FHIT: variants seen among roughly 807,000 people sequenced by gnomAD.
FHIT encodes bis(5'-adenosyl)-triphosphatase.
A neutral mutation model predicts 17.9 loss-of-function variants in FHIT; 19 were observed. The observed-to-expected ratio is 1.06, with a 90% CI of 0.74 to 1.56. FHIT has a LOEUF of 1.56. Among genes scored for constraint, FHIT ranks in the 40% most tolerant of loss-of-function variants. FHIT has a pLI of 0.00. For synonymous variants in FHIT, 81 were observed against 69.7 expected (o/e 1.16, Z -0.81); for missense variants, 248 against 189.2 (o/e 1.31, Z -1.82).
intron 3 of FHIT, among the ~76,000 whole-genome samples, chr3:60,980,596 C>G (rs1304783355): frequency 6.6e-6 from 1 of 152,182 alleles, no homozygotes; most frequent in East Asian, 1.9e-4. Flanking sequence ...GTATGCCCAG[C>G]AGGTCTCAGA....
chr3:60,610,176 G>A (rs1048952981), intron 4 of FHIT, among the ~76,000 whole-genome samples: 3 of 152,104 alleles, frequency 2.0e-5, no homozygotes, highest in Non-Finnish European at 4.4e-5. Context: ...CCATTGCTGT[G>A]CACTTGCATA....
intron 5 of FHIT, among the ~76,000 whole-genome samples, chr3:60,098,878 C>T (rs1182092481): frequency 6.6e-6 from 1 of 152,190 alleles, no homozygotes; most frequent in African/African-American, 2.4e-5. Flanking sequence ...AGACTTTTGA[C>T]TGCCTGGGAG....
At chr3:60,054,925 A>G (rs1435753416) in intron 5 of FHIT, among the ~76,000 whole-genome samples, 1 of 152,182 alleles carries the variant, frequency 6.6e-6, no homozygotes, top group African/African-American at 2.4e-5. Context: ...ACATTAAGAA[A>G]TTAATGAAGT....
chr3:60,604,221 G>C (rs1298616112), intron 4 of FHIT, among the ~76,000 whole-genome samples: 2 of 152,122 alleles, frequency 1.3e-5, no homozygotes, highest in Non-Finnish European at 2.9e-5. Flanking sequence ...AACATAAAGA[G>C]AAAAAACTGG....
At chr3:59,751,628 G>C (rs1700908811) in intron 9 of FHIT, 1 of 223,970 alleles carries the variant, frequency 4.5e-6, no homozygotes, top group South Asian at 1.8e-4. Flanking sequence ...TCAACAGTTA[G>C]TCATCATTAA....
intron 5 of FHIT, among the ~76,000 whole-genome samples, chr3:60,409,496 C>T (rs1701989788): frequency 6.6e-6 from 1 of 152,150 alleles, no homozygotes; most frequent in Admixed American, 6.5e-5. Context: ...ACCTTGGACT[C>T]TGGATATTTA....
chr3:60,436,003 G>C (rs937759738), intron 5 of FHIT, among the ~76,000 whole-genome samples: 1 of 151,922 alleles, frequency 6.6e-6, no homozygotes. Context: ...TCTCTTTTAT[G>C]GCTGCATAGT....
intron 5 of FHIT, among the ~76,000 whole-genome samples, chr3:60,035,826 C>G (rs1478804586): frequency 1.3e-5 from 2 of 152,198 alleles, no homozygotes; most frequent in African/African-American, 4.8e-5. Context: ...GTCTTCTACT[C>G]TGAATATCTT....
intron 1 of FHIT, among the ~76,000 whole-genome samples, chr3:61,236,468 G>A (rs1013127415): frequency 5.3e-5 from 8 of 152,034 alleles, no homozygotes; most frequent in African/African-American, 1.9e-4. Flanking sequence ...GCTCTGACTG[G>A]TTCCAAAGCC....
At chr3:59,955,567 C>T (rs1414425276) in intron 7 of FHIT, among the ~76,000 whole-genome samples, 3 of 152,142 alleles carry the variant, frequency 2.0e-5, no homozygotes, top group Non-Finnish European at 4.4e-5. Context: ...TATCAAACTA[C>T]CTGCTTGAGA....
At chr3:60,321,319 TACA>T (rs927370320) in intron 5 of FHIT, among the ~76,000 whole-genome samples, 1 of 151,894 alleles carries the variant, frequency 6.6e-6, no homozygotes, top group Non-Finnish European at 1.5e-5. Flanking sequence ...ATCTCTAAAA[TACA>T]AAAAATAGCC....
At chr3:60,916,601 A>C (rs1000005439) in intron 3 of FHIT, among the ~76,000 whole-genome samples, 14 of 152,168 alleles carry the variant, frequency 9.2e-5, no homozygotes, top group Non-Finnish European at 2.9e-5. Context: ...GGTCAGAGAG[A>C]CCTTTAATTT....
intron 4 of FHIT, among the ~76,000 whole-genome samples, chr3:60,543,209 C>G (rs1178657762): frequency 2.0e-5 from 3 of 152,088 alleles, no homozygotes; most frequent in African/African-American, 7.2e-5. Flanking sequence ...CGTGGCTGTG[C>G]CCCAGTAAAA....
At chr3:59,850,510 C>T (rs943291219) in intron 8 of FHIT, among the ~76,000 whole-genome samples, 9 of 152,180 alleles carry the variant, frequency 5.9e-5, no homozygotes, top group Admixed American at 6.5e-5. Flanking sequence ...ACTTAAATTA[C>T]GCAGGAGAAG....
chr3:59,856,686 T>C (rs1406161139), intron 8 of FHIT, among the ~76,000 whole-genome samples: 1 of 152,242 alleles, frequency 6.6e-6, no homozygotes, highest in East Asian at 1.9e-4. Context: ...AATGTAGCAA[T>C]GTTATCTAAT....
intron 5 of FHIT, among the ~76,000 whole-genome samples, chr3:60,243,313 C>G (rs1387248874): frequency 1.3e-5 from 2 of 152,088 alleles, no homozygotes; most frequent in African/African-American, 4.8e-5. Flanking sequence ...AAGATCCCCA[C>G]ACTCATAAAG....
chr3:60,624,210 G>T (rs928212814), intron 4 of FHIT, among the ~76,000 whole-genome samples: 1 of 152,224 alleles, frequency 6.6e-6, no homozygotes, highest in Non-Finnish European at 1.5e-5. Flanking sequence ...ATGCAGTTCA[G>T]TGGTGCCAGA....
rs188296686 is a variant in FHIT at position 61,212,610 on chromosome 3, T to G, written c.-212-11945A>C. Among the ~76,000 whole-genome samples, 369 of 152,250 alleles carry G rather than the reference T, an allele frequency of 2.4e-3. 1 individual carries two copies. In the Middle Eastern group the frequency reaches 0.051, roughly 21 times the overall value. ...ATTATCCAGGAGAACTTCCCCAATC[T>G]AGCAAGGCAGGCCAACATTCAGCTT... On this transcript the variant is annotated intron_variant, in intron 1 of 9. Transcript: ENST00000492590.
At chr3:60,612,435 T>G (rs1261221662) in intron 4 of FHIT, among the ~76,000 whole-genome samples, 5 of 152,170 alleles carry the variant, frequency 3.3e-5, no homozygotes, top group Admixed American at 1.3e-4. Context: ...TTGACCTTGT[T>G]AAAACAAAAA....
Sources: allele counts gnomAD v4.1 joint callset (sites outside exome capture counted in the v4.1 genomes callset), GRCh38; gene constraint gnomAD v4.1.1; transcripts MANE v1.5; gene names NCBI Gene and HGNC (gene_info 2026-07-23, HGNC 2026-07-21).